The following GMDS variants were observed in gnomAD, a reference collection of about 807,000 sequenced individuals.
GMDS encodes GDP-mannose 4,6-dehydratase, also known as GDP-mannose 4,6 dehydratase.
In GMDS, 20 loss-of-function variants were observed where a neutral mutation model predicts 49.9. That is an observed-to-expected ratio of 0.40 (90% CI 0.28 to 0.58). The LOEUF is 0.58. Among genes scored for constraint, GMDS ranks in the 20% least tolerant of loss-of-function variants. GMDS has a pLI of 0.42. For missense variants in GMDS, 362 were observed against 481.4 expected, an observed-to-expected ratio of 0.75 and a Z score of 2.32; for synonymous variants, 177 against 178.6, an observed-to-expected ratio of 0.99 and a Z score of 0.07.
intron 4 of GMDS, among the ~76,000 whole-genome samples, chr6:1,975,897 G>C (rs1307057807): frequency 6.6e-6 from 1 of 152,168 alleles, no homozygotes. Flanking sequence ...AGAAAGCAGA[G>C]TCCCTCTGCA....
At chr6:1,837,524 G>C (rs114311462) in intron 7 of GMDS, among the ~76,000 whole-genome samples, 2 of 151,898 alleles carry the variant, frequency 1.3e-5, no homozygotes, top group Non-Finnish European at 1.5e-5. Flanking sequence ...GTGTACCCCC[G>C]TCCCGAATCC....
chr6:1,744,621 T>C (rs924931681), intron 7 of GMDS, among the ~76,000 whole-genome samples: 1 of 152,136 alleles, frequency 6.6e-6, no homozygotes, highest in Non-Finnish European at 1.5e-5. Flanking sequence ...AGATCTGAAG[T>C]ACAGCCCAGG....
chr6:1,892,939 T>C (rs1759945660), intron 7 of GMDS, among the ~76,000 whole-genome samples: 1 of 152,164 alleles, frequency 6.6e-6, no homozygotes. Context: ...CCTGGTCCTC[T>C]CCAGCGGCCT....
At chr6:1,999,971 TATATATATA>T (rs1766611701) in intron 4 of GMDS, among the ~76,000 whole-genome samples, 1 of 6,452 alleles carries the variant, frequency 1.5e-4, no homozygotes, top group African/African-American at 5.2e-4. Context: ...ATATATATAT[TATATATATA>T]TTTTATATAT....
At chr6:2,185,978 C>A (rs1408762472) in intron 1 of GMDS, among the ~76,000 whole-genome samples, 1 of 150,034 alleles carries the variant, frequency 6.7e-6, no homozygotes, top group African/African-American at 2.5e-5. Flanking sequence ...AGTAATAATT[C>A]TCAAAAAATA....
chr6:1,914,359 G>T (rs9392344), intron 7 of GMDS, among the ~76,000 whole-genome samples: 2 of 150,458 alleles, frequency 1.3e-5, no homozygotes, highest in Non-Finnish European at 3.0e-5. Flanking sequence ...GGGAGGCGTA[G>T]AATCCTCCAG....
At chr6:1,821,070 T>C in intron 7 of GMDS, among the ~76,000 whole-genome samples, 1 of 152,234 alleles carries the variant, frequency 6.6e-6, no homozygotes, top group East Asian at 1.9e-4. Flanking sequence ...ATGGACTCTA[T>C]ATATGGATGC....
At chr6:1,624,282 G>A in intron 10 of GMDS, 51 bp from the exon 11 acceptor site, 2 of 1,541,488 alleles carry the variant, frequency 1.3e-6, no homozygotes, top group Non-Finnish European at 1.8e-6. Flanking sequence ...CTCTCTCCTG[G>A]TGACACCCCA....
In GMDS at chr6:2,218,649, CAAAT is replaced by C. The variant is rs573114726; in HGVS notation, c.102+26668_102+26671del. Among the ~76,000 whole-genome samples the C allele has an allele frequency of 7.6e-4, 115 of 152,106 alleles. 1 individual carries two copies. Among genetic ancestry groups the C allele is most frequent in the African/African-American group, 2.4e-3 (99 of 41,486 alleles). On this transcript the variant is annotated intron_variant, in intron 1 of 10. Coordinates refer to ENST00000380815, the MANE Select transcript of GMDS (RefSeq NM_001500.4). ...ACATTATCTTAATTTTTATCTTTCC[CAAAT>C]AATTATTAAATATATTTAATATGCA...
intron 4 of GMDS, among the ~76,000 whole-genome samples, chr6:2,045,765 C>A (rs1282093640): frequency 7.0e-6 from 1 of 143,122 alleles, no homozygotes; most frequent in Non-Finnish European, 1.6e-5. Context: ...GAGCTAGCCC[C>A]AGTCAAAAAA....
chr6:1,683,575 T>C (rs966760431), intron 9 of GMDS, among the ~76,000 whole-genome samples: 3 of 152,124 alleles, frequency 2.0e-5, no homozygotes, highest in African/African-American at 7.2e-5. Flanking sequence ...CTTTAGCAAA[T>C]AGGATGTGAC....
chr6:2,089,094 T>A (rs1400122195), intron 4 of GMDS, among the ~76,000 whole-genome samples: 1 of 152,228 alleles, frequency 6.6e-6, no homozygotes, highest in East Asian at 1.9e-4. Context: ...GCGTATAGAT[T>A]CATTTAAAAT....
intron 8 of GMDS, among the ~76,000 whole-genome samples, chr6:1,727,767 C>T (rs913995338): frequency 2.0e-5 from 3 of 152,080 alleles, no homozygotes; most frequent in Non-Finnish European, 4.4e-5. Context: ...AAATATTTCA[C>T]CGTTGGAGGA....
intron 7 of GMDS, among the ~76,000 whole-genome samples, chr6:1,747,400 T>C (rs1321018479): frequency 6.6e-6 from 1 of 151,398 alleles, no homozygotes; most frequent in East Asian, 1.9e-4. Context: ...ATTTGACTGT[T>C]ACTTTTTCAC....
chr6:2,170,349 G>C (rs992345774), intron 1 of GMDS, among the ~76,000 whole-genome samples: 5 of 152,152 alleles, frequency 3.3e-5, no homozygotes, highest in Non-Finnish European at 7.4e-5. Flanking sequence ...AATTAGGCCA[G>C]GTGTACTAGC....
chr6:1,929,331 C>A (rs1473407771), intron 7 of GMDS, among the ~76,000 whole-genome samples: 5 of 152,222 alleles, frequency 3.3e-5, no homozygotes, highest in Admixed American at 2.0e-4. Context: ...AGGGAAAGGA[C>A]AATGTCTCTA....
intron 8 of GMDS, among the ~76,000 whole-genome samples, chr6:1,739,871 T>C (rs898568289): frequency 3.9e-5 from 6 of 152,236 alleles, no homozygotes; most frequent in African/African-American, 1.4e-4. Context: ...AGAAGAACTC[T>C]GACTGCTGGG....
At chr6:1,926,308 G>A (rs12524972) in intron 7 of GMDS, among the ~76,000 whole-genome samples, 18,439 of 152,120 alleles carry the variant, frequency 0.12, 1,440 homozygotes, top group East Asian at 0.2. Context: ...TAACACATGC[G>A]CACAGAGGCT....
At chr6:2,118,778 T>C (rs1774984054) in intron 2 of GMDS, among the ~76,000 whole-genome samples, 1 of 152,124 alleles carries the variant, frequency 6.6e-6, no homozygotes. Context: ...GCAAACTTGG[T>C]TTCACATTTT....
Sources: gnomAD v4.1 joint callset for allele counts (sites outside exome capture counted in the v4.1 genomes callset) on GRCh38, gnomAD v4.1.1 for gene constraint, MANE v1.5 for transcripts, NCBI Gene and HGNC (gene_info 2026-07-23, HGNC 2026-07-21) for gene names.